The following RAB28 variants were observed in gnomAD, a reference collection of about 807,000 sequenced individuals.
The protein encoded by RAB28 is RAB28, member RAS oncogene family.
A neutral mutation model predicts 31.7 loss-of-function variants in RAB28; 24 were observed. The observed-to-expected ratio is 0.76, with a 90% CI of 0.55 to 1.06. The LOEUF is 1.06. Ranked by LOEUF, RAB28 falls within the 50% of genes least tolerant of loss-of-function variation. RAB28 has a pLI of 0.00. For synonymous variants in RAB28, 100 were observed against 90.4 expected (o/e 1.11, Z -0.60); for missense variants, 254 against 258.5 (o/e 0.98, Z 0.12).
At chr4:13,479,601 A>C in intron 1 of RAB28, 75 bp from the exon 2 acceptor site, 1 of 1,005,464 alleles carries the variant, frequency 9.9e-7, no homozygotes, top group Non-Finnish European at 1.5e-6. Context: ...ATAAATCTTA[A>C]GCAATCTTAA....
intron 4 of RAB28, 106 bp downstream of exon 4, chr4:13,460,593 G>C: frequency 7.2e-7 from 1 of 1,380,348 alleles, no homozygotes; most frequent in Non-Finnish European, 1.0e-6. Flanking sequence ...ATCATTTTGG[G>C]GATTAGGTCT....
At chr4:13,459,442 C>T (rs1324763205) in intron 4 of RAB28, among the ~76,000 whole-genome samples, 1 of 152,154 alleles carries the variant, frequency 6.6e-6, no homozygotes, top group Non-Finnish European at 1.5e-5. Context: ...AACTGCCTAA[C>T]AATACACTTC....
chr4:13,415,173 C>T (rs1712676791), intron 4 of RAB28, among the ~76,000 whole-genome samples: 1 of 152,154 alleles, frequency 6.6e-6, no homozygotes. Flanking sequence ...TTAAAATATG[C>T]TGACTCAATT....
At chr4:13,415,499 A>G (rs1201548307) in intron 4 of RAB28, among the ~76,000 whole-genome samples, 1 of 152,116 alleles carries the variant, frequency 6.6e-6, no homozygotes, top group Non-Finnish European at 1.5e-5. Context: ...GCGCCCGGCC[A>G]GCCCTGCCGG....
intron 4 of RAB28, among the ~76,000 whole-genome samples, chr4:13,420,051 G>A (rs1413250431): frequency 6.6e-6 from 1 of 152,006 alleles, no homozygotes; most frequent in Non-Finnish European, 1.5e-5. Flanking sequence ...TCAAATAGAT[G>A]CAATAAAAAA....
At chr4:13,429,593 A>G (rs188107627) in intron 4 of RAB28, among the ~76,000 whole-genome samples, 2 of 152,374 alleles carry the variant, frequency 1.3e-5, no homozygotes, top group Non-Finnish European at 2.9e-5. Flanking sequence ...TGCAAATTTT[A>G]TACTTCAAAA....
At chr4:13,393,518 A>C (rs1267992195) in intron 4 of RAB28, among the ~76,000 whole-genome samples, 1 of 152,222 alleles carries the variant, frequency 6.6e-6, no homozygotes, top group Non-Finnish European at 1.5e-5. Context: ...GACATATATC[A>C]GCAAACCTTA....
intron 4 of RAB28, among the ~76,000 whole-genome samples, chr4:13,402,736 C>T (rs1031660122): frequency 5.9e-5 from 9 of 151,962 alleles, no homozygotes; most frequent in Non-Finnish European, 8.8e-5. Flanking sequence ...CAAACATTTT[C>T]TGTAAGGGGC....
intron 4 of RAB28, among the ~76,000 whole-genome samples, chr4:13,454,654 G>C (rs935351875): frequency 6.6e-6 from 1 of 152,206 alleles, no homozygotes; most frequent in Non-Finnish European, 1.5e-5. Context: ...GTATGTGGCA[G>C]CGATGGTGCA....
chr4:13,423,838 T>C (rs1486240252), intron 4 of RAB28, among the ~76,000 whole-genome samples: 1 of 152,180 alleles, frequency 6.6e-6, no homozygotes, highest in East Asian at 1.9e-4. Flanking sequence ...GCAATAATTA[T>C]AAGCTGATTC....
intron 4 of RAB28, among the ~76,000 whole-genome samples, chr4:13,445,414 G>A (rs1427443191): frequency 1.3e-5 from 2 of 152,036 alleles, no homozygotes; most frequent in Non-Finnish European, 2.9e-5. Context: ...CTGGAGAAGT[G>A]TTGCGATCAT....
chr4:13,408,939 A>G (rs1166235106), intron 4 of RAB28, among the ~76,000 whole-genome samples: 1 of 152,196 alleles, frequency 6.6e-6, no homozygotes, highest in African/African-American at 2.4e-5. Flanking sequence ...GTTAATTAAA[A>G]AGCATATCAA....
intron 4 of RAB28, among the ~76,000 whole-genome samples, chr4:13,382,693 A>ATTTTTTTTTTTTTTTT (rs35120402): frequency 1.4e-5 from 1 of 73,910 alleles, no homozygotes; most frequent in Non-Finnish European, 2.7e-5. Context: ...AAAATATGGA[A>ATTTTTTTTTTTTTTTT]TTTTTTTTTT....
intron 2 of RAB28, among the ~76,000 whole-genome samples, chr4:13,474,685 C>T (rs1168053226): frequency 6.6e-6 from 1 of 151,576 alleles, no homozygotes; most frequent in Non-Finnish European, 1.5e-5. Context: ...AATTTGTAAA[C>T]TTAAGCCTTA....
intron 2 of RAB28, among the ~76,000 whole-genome samples, chr4:13,475,471 C>T (rs936903763): frequency 4.6e-5 from 7 of 151,546 alleles, no homozygotes; most frequent in Non-Finnish European, 8.9e-5. Flanking sequence ...TATAAGCCAA[C>T]ATAAAATACT....
chr4:13,483,108 C>G (rs1716686629), intron 1 of RAB28, among the ~76,000 whole-genome samples: 1 of 152,264 alleles, frequency 6.6e-6, no homozygotes, highest in East Asian at 1.9e-4. Flanking sequence ...AAGAAGGCAT[C>G]CGGGTAGAGG....
chr4:13,479,758 T>A (rs1019085789), intron 1 of RAB28, among the ~76,000 whole-genome samples: 25 of 151,284 alleles, frequency 1.7e-4, no homozygotes, highest in African/African-American at 6.1e-4. Flanking sequence ...TCTCTTTAAA[T>A]CCCCTGCTTG....
intron 4 of RAB28, among the ~76,000 whole-genome samples, chr4:13,437,606 A>G (rs1417620933): frequency 1.3e-5 from 2 of 152,184 alleles, no homozygotes; most frequent in African/African-American, 2.4e-5. Flanking sequence ...AAAAATGCTC[A>G]ATATCACTAA....
At chr4:13,393,066 T>A (rs1729717133) in intron 4 of RAB28, among the ~76,000 whole-genome samples, 1 of 152,200 alleles carries the variant, frequency 6.6e-6, no homozygotes, top group African/African-American at 2.4e-5. Context: ...CAACAATTTA[T>A]GTAGTGCTAA....
Sources: gnomAD v4.1 joint callset for allele counts (sites outside exome capture counted in the v4.1 genomes callset) on GRCh38, gnomAD v4.1.1 for gene constraint, MANE v1.5 for transcripts, NCBI Gene and HGNC (gene_info 2026-07-23, HGNC 2026-07-21) for gene names.